The following SPAG16 variants were observed in gnomAD, a reference collection of about 807,000 sequenced individuals.
SPAG16 encodes the protein sperm-associated antigen 16 protein.
Under a neutral mutation model 80.4 loss-of-function variants are expected in SPAG16, and 86 were observed. That is an observed-to-expected ratio of 1.07 (90% CI 0.90 to 1.28). The LOEUF (loss-of-function observed/expected upper bound fraction) is 1.28, where lower values mean the gene tolerates loss of function less well. Among genes scored for constraint, SPAG16 ranks in the 50% most tolerant of loss-of-function variants. SPAG16 has a pLI of 0.00. For synonymous variants in SPAG16, 294 were observed against 265.9 expected, an observed-to-expected ratio of 1.11 and a Z score of -1.03; for missense variants, 870 against 765.3, an observed-to-expected ratio of 1.14 and a Z score of -1.61.
chr2:213,794,896 G>A (rs964742349), intron 10 of SPAG16, among the ~76,000 whole-genome samples: 1 of 151,938 alleles, frequency 6.6e-6, no homozygotes, highest in African/African-American at 2.4e-5. Context: ...ATTAATAAAT[G>A]GCATGAATCT....
intron 15 of SPAG16, among the ~76,000 whole-genome samples, chr2:214,155,643 C>T (rs2056181363): frequency 6.6e-6 from 1 of 151,990 alleles, no homozygotes; most frequent in Admixed American, 6.6e-5. Context: ...TGAGGGTAGC[C>T]TAAAATATTT....
chr2:214,385,007 A>G (rs906728268), intron 15 of SPAG16, among the ~76,000 whole-genome samples: 1 of 152,246 alleles, frequency 6.6e-6, no homozygotes, highest in Non-Finnish European at 1.5e-5. Context: ...AGACAACCAT[A>G]GAAAACCCAT....
chr2:214,007,592 TA>T (rs1486230605), intron 12 of SPAG16, among the ~76,000 whole-genome samples: 2 of 152,216 alleles, frequency 1.3e-5, no homozygotes, highest in African/African-American at 4.8e-5. Flanking sequence ...TTTATTTATC[TA>T]AAAAATGTTT....
chr2:213,548,478 T>C (rs959244856), intron 10 of SPAG16, among the ~76,000 whole-genome samples: 11 of 152,236 alleles, frequency 7.2e-5, no homozygotes, highest in African/African-American at 1.9e-4. Flanking sequence ...TCCAAAGTGC[T>C]GGGATTATAG....
chr2:214,053,097 A>C (rs533987652), intron 13 of SPAG16, among the ~76,000 whole-genome samples: 1 of 152,316 alleles, frequency 6.6e-6, no homozygotes, highest in East Asian at 1.9e-4. Context: ...ACAAAAGCTA[A>C]GGGAAGTGAG....
chr2:214,275,483 G>T (rs113667201), intron 15 of SPAG16, among the ~76,000 whole-genome samples: 2,600 of 152,280 alleles, frequency 0.017, 49 homozygotes, highest in African/African-American at 0.04. Context: ...AGAGATTCTG[G>T]TACATTGTGT....
chr2:213,555,305 A>G (rs1336655441), intron 10 of SPAG16, among the ~76,000 whole-genome samples: 1 of 152,158 alleles, frequency 6.6e-6, no homozygotes, highest in African/African-American at 2.4e-5. Context: ...TCACACATCA[A>G]GGGCAGGAGT....
chr2:213,600,737 A>G (rs2061033739), intron 10 of SPAG16, among the ~76,000 whole-genome samples: 1 of 152,214 alleles, frequency 6.6e-6, no homozygotes, highest in Non-Finnish European at 1.5e-5. Context: ...CTTGGACTCC[A>G]ATTATTGAAT....
At chr2:213,486,722 C>A (rs553365141) in intron 9 of SPAG16, among the ~76,000 whole-genome samples, 26 of 152,006 alleles carry the variant, frequency 1.7e-4, no homozygotes, top group African/African-American at 6.3e-4. Flanking sequence ...AAGATTATGT[C>A]AAAATCAAGT....
intron 12 of SPAG16, among the ~76,000 whole-genome samples, chr2:213,942,066 C>T (rs557997138): frequency 1.3e-5 from 2 of 152,150 alleles, no homozygotes; most frequent in African/African-American, 2.4e-5. Flanking sequence ...AATAGCCTTC[C>T]TCTTCTTTTC....
At chr2:213,502,706 T>C (rs1296788562) in intron 10 of SPAG16, among the ~76,000 whole-genome samples, 1 of 152,214 alleles carries the variant, frequency 6.6e-6, no homozygotes, top group Non-Finnish European at 1.5e-5. Context: ...TCTCATTTAA[T>C]CCTATGAACA....
At chr2:213,486,640 C>A (rs955365813) in intron 9 of SPAG16, among the ~76,000 whole-genome samples, 1 of 151,950 alleles carries the variant, frequency 6.6e-6, no homozygotes, top group African/African-American at 2.4e-5. Flanking sequence ...AAAGCAATAA[C>A]TTCTTTTATT....
intron 13 of SPAG16, among the ~76,000 whole-genome samples, chr2:214,042,156 A>T (rs1213149956): frequency 1.3e-5 from 2 of 150,530 alleles, no homozygotes; most frequent in African/African-American, 4.9e-5. Context: ...CACGATCTTG[A>T]ATTACTGCAA....
At chr2:213,867,721 G>A (rs577418808) in intron 11 of SPAG16, among the ~76,000 whole-genome samples, 1 of 151,552 alleles carries the variant, frequency 6.6e-6, no homozygotes, top group South Asian at 2.1e-4. Context: ...AGGAGATCAA[G>A]ACCATCCTGG....
chr2:213,585,217 T>A, intron 10 of SPAG16, among the ~76,000 whole-genome samples: 1 of 151,636 alleles, frequency 6.6e-6, no homozygotes. Flanking sequence ...CTTGAATATT[T>A]AACAATACCT....
chr2:213,425,301 G>A (rs562676004), intron 9 of SPAG16, among the ~76,000 whole-genome samples: 3 of 151,872 alleles, frequency 2.0e-5, no homozygotes, highest in African/African-American at 7.3e-5. Flanking sequence ...ATCTGGGTGA[G>A]AGAGTGAGAC....
At chr2:213,532,504 A>C (rs1190627766) in intron 10 of SPAG16, among the ~76,000 whole-genome samples, 1 of 146,844 alleles carries the variant, frequency 6.8e-6, no homozygotes, top group Non-Finnish European at 1.5e-5. Flanking sequence ...CTCTGTTGCC[A>C]ATGCTAGAGT....
intron 9 of SPAG16, among the ~76,000 whole-genome samples, chr2:213,401,956 AATAAGATCAAAACACT>A (rs1446336236): frequency 4.3e-4 from 65 of 152,248 alleles, no homozygotes; most frequent in African/African-American, 1.4e-3. Context: ...AAACGTTTTA[AATAAGATCAAAACACT>A]TCCTATTTAC....
chr2:213,599,978 G>T (rs899785840), intron 10 of SPAG16, among the ~76,000 whole-genome samples: 14 of 152,262 alleles, frequency 9.2e-5, no homozygotes, highest in Non-Finnish European at 1.6e-4. Context: ...GAGCCGCTGC[G>T]CCTGGCCTAT....
Sources: gnomAD v4.1 joint callset for allele counts (sites outside exome capture counted in the v4.1 genomes callset) on GRCh38, gnomAD v4.1.1 for gene constraint, MANE v1.5 for transcripts, NCBI Gene and HGNC (gene_info 2026-07-23, HGNC 2026-07-21) for gene names.